PPM1N: variants seen among roughly 807,000 people sequenced by gnomAD.
The protein encoded by PPM1N is protein phosphatase, Mg2+/Mn2+ dependent 1N (putative).
PPM1N carries 35 observed loss-of-function variants against 32.6 expected under a neutral mutation model. The ratio of observed to expected loss-of-function variants is 1.07; its 90% CI spans 0.82 to 1.43. The LOEUF (loss-of-function observed/expected upper bound fraction) is 1.43. Among genes scored for constraint, PPM1N ranks in the 40% most tolerant of loss-of-function variants. The probability of loss-of-function intolerance (pLI) is 0.00; values close to 1 mark genes in which losing one functional copy is unlikely to be tolerated. For synonymous variants in PPM1N, 275 were observed against 270.5 expected (o/e 1.02, Z -0.16); for missense variants, 648 against 606.6 (o/e 1.07, Z -0.72).
chr19:45,502,002 C>T lies in PPM1N; in HGVS notation c.1225-15C>T, dbSNP rs747426082. On this transcript the variant is annotated splice_polypyrimidine_tract_variant and intron_variant, in intron 4 of 4. Transcript: ENST00000451287. ...CAGAATTTCTCATTACCTTCTCCCACATTTTGTGTTACAGAAGGGGCAGGA... is the reference window on the plus strand; with the variant it reads ...CAGAATTTCTCATTACCTTCTCCCATATTTTGTGTTACAGAAGGGGCAGGA... The T allele has an allele frequency of 6.7e-7, 1 of 1,488,224 alleles. No homozygotes were observed. Among genetic ancestry groups the T allele is most frequent in the Non-Finnish European group, 8.9e-7 (1 of 1,122,232 alleles). 92.2% of individuals were successfully genotyped at this position (1,488,224 alleles called of 1,614,324 possible).
In PPM1N at chr19:45,500,538, T is replaced by C; in HGVS notation, c.1140T>C (p.Pro380=). Residue 380 remains proline, a synonymous_variant, in exon 3 of 5, where the codon CCT becomes CCC. Coordinates refer to ENST00000451287, the MANE Select transcript of PPM1N (RefSeq NM_001080401.2). ...CCTCAGAGGACATCCCAGATTTACCTCCTGGGGGAGGGCTGGACTGCAAGT... is the reference window on the plus strand; with the variant it reads ...CCTCAGAGGACATCCCAGATTTACCCCCTGGGGGAGGGCTGGACTGCAAGT... ...TLASEDIPDL[P]PGGGLDCKAT... 1 of 1,604,328 alleles carries C rather than the reference T, an allele frequency of 6.2e-7. No individual in the cohort carries two copies. The highest frequency in any genetic ancestry group is 8.5e-7 in the Non-Finnish European group (1 of 1,175,526).
chr19:45,500,468 C>T lies in PPM1N; in HGVS notation c.1070C>T (p.Ser357Phe). 6.2e-7 allele frequency: 1 copy of T among 1,608,396 alleles called. No individual in the cohort carries two copies. Among genetic ancestry groups the T allele is most frequent in the Non-Finnish European group, 8.5e-7 (1 of 1,177,338 alleles). The change falls in exon 3 of 5, where the codon TCT becomes TTT. Residue 357 changes from serine (S) to phenylalanine (F), a missense_variant. Ser to Phe is a radical substitution (Grantham distance 155). Coordinates refer to ENST00000451287, the MANE Select transcript of PPM1N (RefSeq NM_001080401.2). Reference protein sequence around the residue: ...LGCRIAELCASAQKPPSLNTV... With the variant: ...LGCRIAELCAFAQKPPSLNTV... ...GACTCTTTCTCAGAACTGTGTGCCT[C>T]TGCTCAGAAGCCCCCCAGCCTGAAC...
In PPM1N at chr19:45,498,708, T is replaced by C. The variant is rs1356271743; in HGVS notation, c.236T>C (p.Met79Thr). The change falls in exon 1 of 5, where the codon ATG (methionine) becomes ACG (threonine). Residue 79 changes from methionine to threonine, a missense_variant. Physicochemically the swap from Met to Thr is moderately conservative, Grantham distance 81 (BLOSUM62 -1). Transcript: ENST00000451287. ...ASAAQGWRAR[M>T]EDAHCTWLSL... ...GCAGCGCAAGGCTGGCGCGCGCGCA[T>C]GGAGGATGCTCACTGCACTTGGCTT... is the stretch of plus-strand genomic sequence containing the variant. 7.9e-5 allele frequency: 120 copies of C among 1,514,146 alleles called. No individual in the cohort carries two copies. The highest frequency in any genetic ancestry group is 1.0e-4 in the Non-Finnish European group (118 of 1,134,614). 93.8% of individuals were successfully genotyped at this position (1,514,146 alleles called of 1,614,324 possible). A position where few individuals can be genotyped will look rare whatever the true frequency, so the allele number is the denominator to read the frequency against.
chr19:45,498,637 G>T lies in PPM1N; in HGVS notation c.165G>T (p.Pro55=). Residue 55 remains proline, a synonymous_variant, in exon 1 of 5, where the codon CCG becomes CCT. Coordinates refer to ENST00000451287, the MANE Select transcript of PPM1N (RefSeq NM_001080401.2). ...LLTAPRRAQR[P]HGGAEASGGL... ...CAGCGCCGCGCCGCGCCCAGCGGCC[G>T]CACGGGGGTGCCGAGGCGTCTGGGG... 1 of 1,413,642 alleles carries T rather than the reference G, an allele frequency of 7.1e-7. No individual in the cohort carries two copies. 87.6% of individuals were successfully genotyped at this position (1,413,642 alleles called of 1,614,324 possible). A position where few individuals can be genotyped will look rare whatever the true frequency, so the allele number is the denominator to read the frequency against.
In PPM1N at chr19:45,502,468, T is replaced by A. The variant is rs137886094; in HGVS notation, c.*383T>A. ...GGAAGTAGAGTTTTGATTATTAAAC[T>A]TTATTTACATAAGTGATTCCAAATA... is the stretch of plus-strand genomic sequence containing the variant. On this transcript the variant is annotated 3_prime_UTR_variant, in exon 5 of 5. Coordinates refer to ENST00000451287, the MANE Select transcript of PPM1N (RefSeq NM_001080401.2). The A allele has an allele frequency of 1.4e-4, 59 of 425,272 alleles. 1 individual carries two copies. In the South Asian group the frequency reaches 1.5e-3, roughly 11 times the overall value. The allele number at this position is 425,272 out of a possible 1,614,324, so 26.3% of individuals were successfully genotyped here. A position where few individuals can be genotyped will look rare whatever the true frequency, so the allele number is the denominator to read the frequency against.
rs763796714 is a variant in PPM1N, at chr19:45,502,092, T to C, written c.*7T>C. On this transcript the variant is annotated 3_prime_UTR_variant, in exon 5 of 5. Transcript: ENST00000451287. ...CTTGGACATGGAGGCCTGACAGCTGTTGTCCTTTGGGGATCCTTTGCTTCT... is the reference window on the plus strand; with the variant it reads ...CTTGGACATGGAGGCCTGACAGCTGCTGTCCTTTGGGGATCCTTTGCTTCT... 6.3e-7 allele frequency: 1 copy of C among 1,586,854 alleles called. No individual in the cohort carries two copies. Among genetic ancestry groups the C allele is most frequent in the South Asian group, 1.1e-5 (1 of 87,200 alleles).
intron 4 of PPM1N, 95 bp downstream of exon 4, chr19:45,500,805 A>C: frequency 1.1e-6 from 1 of 920,210 alleles, no homozygotes; most frequent in Admixed American, 2.1e-5. Context: ...AGTGAGGATA[A>C]GGGATTTGCC....
In PPM1N at chr19:45,502,158, C is replaced by T. The variant is rs1401297937; in HGVS notation, c.*73C>T. The T allele has an allele frequency of 2.5e-6, 3 of 1,192,004 alleles. No individual in the cohort carries two copies. The highest frequency in any genetic ancestry group is 4.9e-5 in the East Asian group (2 of 40,794). 73.8% of individuals were successfully genotyped at this position (1,192,004 alleles called of 1,614,324 possible). A position where few individuals can be genotyped will look rare whatever the true frequency, so the allele number is the denominator to read the frequency against. ...AACTAAAGAAGAAAACCGACCCTTT[C>T]CCCAACTACATGTACCAGCGGAAGG... On this transcript the variant is annotated 3_prime_UTR_variant, in exon 5 of 5. Coordinates refer to ENST00000451287, the MANE Select transcript of PPM1N (RefSeq NM_001080401.2).
At chr19:45,500,737 T>G (rs1186267270) in intron 4 of PPM1N, 27 bp downstream of exon 4, 1 of 1,569,818 alleles carries the variant, frequency 6.4e-7, no homozygotes, top group Non-Finnish European at 8.6e-7. Context: ...CTCCAGTGTT[T>G]CTCTTAGGAG....
At position 45,498,860 on chromosome 19, in the gene PPM1N, C is replaced by G. The variant is rs758283399; in HGVS notation, c.388C>G (p.Pro130Ala). 4.6e-6 allele frequency: 7 copies of G among 1,523,052 alleles called. No homozygotes were observed. In the Admixed American group the frequency reaches 8.2e-5, roughly 18 times the overall value. The allele number at this position is 1,523,052 out of a possible 1,614,324, so 94.3% of individuals were successfully genotyped here. A position where few individuals can be genotyped will look rare whatever the true frequency, so the allele number is the denominator to read the frequency against. Residue 130 changes from proline (P) to alanine (A), a missense_variant, in exon 1 of 5, where the codon CCT becomes GCT. By Grantham distance (27) the Pro-to-Ala change is conservative (BLOSUM62 -1). Transcript: ENST00000451287. ...TGTGCTCCAGGAGCTGGGCCCGGAG[C>G]CTAGCGAGCCCGAGGGCGTGCGCGA... is the stretch of plus-strand genomic sequence containing the variant. Reference protein sequence around the residue: ...GHVLQELGPEPSEPEGVREAL... With the variant: ...GHVLQELGPEASEPEGVREAL...
Position 45,502,208 on chromosome 19 carries a change from A to G in PPM1N, c.*123A>G. Reference sequence around the variant, plus strand: ...GAAGGAAGGCCAATGTAGGAACCCAAAATGCTTATTTCTTCTTCTCTTACT... The same window carrying G: ...GAAGGAAGGCCAATGTAGGAACCCAGAATGCTTATTTCTTCTTCTCTTACT... On this transcript the variant is annotated 3_prime_UTR_variant, in exon 5 of 5. Transcript: ENST00000451287. 2 of 728,768 alleles carry G rather than the reference A, an allele frequency of 2.7e-6. No homozygotes were observed. Among genetic ancestry groups the G allele is most frequent in the Non-Finnish European group, 4.7e-6 (2 of 423,510 alleles). The allele number at this position is 728,768 out of a possible 1,614,324, so 45.1% of individuals were successfully genotyped here.
chr19:45,499,257 G>T lies in PPM1N; in HGVS notation c.785G>T (p.Arg262Leu). Residue 262 changes from arginine to leucine, a missense_variant, in exon 1 of 5, where the codon CGC becomes CTC. Transcript: ENST00000451287. ...SAEPEVAALA[R>L]QAEDEFMLLA... The stretch of plus-strand genomic sequence containing the variant: ...GAGCCAGAGGTGGCCGCACTGGCAC[G>T]CCAGGCTGAGGACGAGTTCATGCTC... 6.2e-7 allele frequency: 1 copy of T among 1,608,600 alleles called. No homozygotes were observed.
At chr19:45,500,132 T>C (rs1258221439) in intron 2 of PPM1N, 66 bp downstream of exon 2, 58 of 1,475,110 alleles carry the variant, frequency 3.9e-5, no homozygotes, top group African/African-American at 4.6e-5. Context: ...CATAACTTTT[T>C]CTTTTTTTCT....
In PPM1N at chr19:45,499,104, T is replaced by C. The variant is rs1229494028; in HGVS notation, c.632T>C (p.Ile211Thr). ...RPLRPRERER[I>T]HAAGGTIRRR... Reference sequence around the variant, plus strand: ...CTTCGACCCCGGGAACGCGAGCGCATCCACGCCGCTGGCGGCACCATCCGC... The same window carrying C: ...CTTCGACCCCGGGAACGCGAGCGCACCCACGCCGCTGGCGGCACCATCCGC... The change falls in exon 1 of 5, where the codon ATC (isoleucine) becomes ACC (threonine). Residue 211 changes from isoleucine to threonine, a missense_variant. Transcript: ENST00000451287. 5 of 1,517,172 alleles carry C rather than the reference T, an allele frequency of 3.3e-6. No homozygotes were observed. The highest frequency in any genetic ancestry group is 4.4e-5 in the Admixed American group (2 of 45,870). 94.0% of individuals were successfully genotyped at this position (1,517,172 alleles called of 1,614,324 possible).
chr19:45,498,786 A>G lies in PPM1N; in HGVS notation c.314A>G (p.His105Arg). ...GCCTTGTTTGCCGTCCTCGACGGCCACGGTGGGGCTCGAGCTGCCCGCTTC... is the reference window on the plus strand; with the variant it reads ...GCCTTGTTTGCCGTCCTCGACGGCCGCGGTGGGGCTCGAGCTGCCCGCTTC... ...GWALFAVLDG[H>R]GGARAARFGA... The change falls in exon 1 of 5, where the codon CAC becomes CGC. Residue 105 changes from histidine (H) to arginine (R), a missense_variant. Coordinates refer to ENST00000451287, the MANE Select transcript of PPM1N (RefSeq NM_001080401.2). The G allele has an allele frequency of 1.3e-6, 2 of 1,554,556 alleles. No individual in the cohort carries two copies. Among genetic ancestry groups the G allele is most frequent in the Non-Finnish European group, 1.7e-6 (2 of 1,155,430 alleles).
rs1483699162 is a variant in PPM1N at position 45,501,423 on chromosome 19, A to C, written c.1225-594A>C. ...GGGTTTAGAGCCCCAAGGCCTTTGC[A>C]TGGCAGAGGTGGGAGTTTGGTGATT... On this transcript the variant is annotated intron_variant, in intron 4 of 4. Coordinates refer to ENST00000451287, the MANE Select transcript of PPM1N (RefSeq NM_001080401.2). 2.6e-5 allele frequency among the ~76,000 whole-genome samples: 4 copies of C among 152,190 alleles called. No individual in the cohort carries two copies. The East Asian group carries it at 5.8e-4, about 22-fold the overall frequency.
rs769702375 is a variant in PPM1N at position 45,502,051 on chromosome 19, C to T, written c.1259C>T (p.Thr420Met). Residue 420 changes from threonine to methionine, a missense_variant, in exon 5 of 5, where the codon ACG becomes ATG. Physicochemically the swap from Thr to Met is moderately conservative, Grantham distance 81. Transcript: ENST00000451287. ...GQDGAGKSNP[T>M]HLGSALDMEA ...GATGGGGCTGGGAAGTCCAACCCCACGCATTTGGGCTCAGCCTTGGACATG... is the reference window on the plus strand; with the variant it reads ...GATGGGGCTGGGAAGTCCAACCCCATGCATTTGGGCTCAGCCTTGGACATG... 4 of 1,548,122 alleles carry T rather than the reference C, an allele frequency of 2.6e-6. No homozygotes were observed. Among genetic ancestry groups the T allele is most frequent in the Admixed American group, 2.3e-5 (1 of 43,724 alleles).
chr19:45,499,896 AGCTCT>A, intron 1 of PPM1N, 48 bp from the exon 2 acceptor site: 1 of 1,536,540 alleles, frequency 6.5e-7, no homozygotes, highest in Non-Finnish European at 8.8e-7. Flanking sequence ...ATTGTTGGGA[AGCTCT>A]GCCTTGGACT....
In PPM1N at chr19:45,498,846, A is replaced by C; in HGVS notation, c.374A>C (p.Glu125Ala). 1 of 1,535,250 alleles carries C rather than the reference A, an allele frequency of 6.5e-7. No homozygotes were observed. The highest frequency in any genetic ancestry group is 8.7e-7 in the Non-Finnish European group (1 of 1,150,420). The change falls in exon 1 of 5, where the codon GAG (glutamate) becomes GCG (alanine). Residue 125 changes from glutamate to alanine, a missense_variant. Transcript: ENST00000451287. ...CATTTGCCAGGCCATGTGCTCCAGGAGCTGGGCCCGGAGCCTAGCGAGCCC... is the reference window on the plus strand; with the variant it reads ...CATTTGCCAGGCCATGTGCTCCAGGCGCTGGGCCCGGAGCCTAGCGAGCCC... ...ARHLPGHVLQ[E>A]LGPEPSEPEG... is the part of the protein sequence containing the mutation.
Sources: gnomAD v4.1 joint callset for allele counts (sites outside exome capture counted in the v4.1 genomes callset) on GRCh38, gnomAD v4.1.1 for gene constraint, MANE v1.5 for transcripts, NCBI Gene and HGNC (gene_info 2026-07-23, HGNC 2026-07-21) for gene names.